The following RTL9 variants were observed in gnomAD, a reference collection of about 807,000 sequenced individuals.
RTL9 encodes retrotransposon Gag-like protein 9.
In RTL9, 19 loss-of-function variants were observed where a neutral mutation model predicts 44.7. That is an observed-to-expected ratio of 0.42 (90% CI 0.30 to 0.62). The LOEUF (loss-of-function observed/expected upper bound fraction) is 0.62. RTL9 is among the 20% of genes least tolerant of loss of function. RTL9 has a pLI of 0.16. For synonymous variants in RTL9, 407 were observed against 398.9 expected (o/e 1.02, Z -0.24); for missense variants, 1,105 against 1,080.6 (o/e 1.02, Z -0.32).
At chrX:110,388,220 C>CT (rs2068471447) in intron 1 of RTL9, among the ~76,000 whole-genome samples, 2 of 111,670 alleles carry the variant, frequency 1.8e-5, no homozygotes, top group Non-Finnish European at 3.8e-5. Flanking sequence ...AAGGGGCCCA[C>CT]ATCAAGTTTT....
chrX:110,450,961 C>A (rs756220988), exon 1 of RTL9: 1 of 1,212,199 alleles, frequency 8.2e-7, no homozygotes, highest in Admixed American at 2.2e-5. Context: ...GCACTGTCCC[C>A]ATTGCTAATG....
exon 1 of RTL9, chrX:110,451,009 C>T (rs2068936367): frequency 1.7e-6 from 2 of 1,211,694 alleles, no homozygotes; most frequent in Non-Finnish European, 2.2e-6. Context: ...CCATTGCTGT[C>T]CACTTCAGAG....
chrX:110,428,601 C>T lies in RTL9; in HGVS notation c.-168+9466C>T, dbSNP rs997124705. On this transcript the variant is annotated intron_variant, in intron 1 of 3. Coordinates refer to the RTL9 transcript ENST00000465301. ...CTTTCTCTGATGCCATCTGAACACT[C>T]CCCCCCTCTCCAAGATGTGGCTTTC... 2.6e-4 allele frequency among the ~76,000 whole-genome samples: 29 copies of T among 111,103 alleles called. 1 individual carries two copies. Among genetic ancestry groups the T allele is most frequent in the African/African-American group, 8.5e-4 (26 of 30,420 alleles).
chrX:110,411,446 C>T (rs192133742), intron 1 of RTL9, among the ~76,000 whole-genome samples: 1 of 112,091 alleles, frequency 8.9e-6, no homozygotes, highest in African/African-American at 3.2e-5. Flanking sequence ...TATCTCACTC[C>T]TTATTCCAAA....
chrX:110,406,081 T>C (rs1308997999), intron 1 of RTL9, among the ~76,000 whole-genome samples: 2 of 110,708 alleles, frequency 1.8e-5, no homozygotes, highest in African/African-American at 3.3e-5. Context: ...CCAAATTGGA[T>C]AGTAAGTTCT....
chrX:110,378,531 A>G (rs1174118534), intron 1 of RTL9, among the ~76,000 whole-genome samples: 2 of 111,824 alleles, frequency 1.8e-5, no homozygotes, highest in East Asian at 5.6e-4. Flanking sequence ...GAAGCTCTCT[A>G]TGTTTATATG....
chrX:110,448,697 C>T (rs1205458465), upstream of RTL9, among the ~76,000 whole-genome samples: 12 of 102,502 alleles, frequency 1.2e-4, no homozygotes, highest in African/African-American at 3.3e-4. Flanking sequence ...GGCTGGCTGG[C>T]GGGCAGGGGG....
chrX:110,385,379 CTATT>C (rs1250982624), intron 1 of RTL9, among the ~76,000 whole-genome samples: 1 of 111,215 alleles, frequency 9.0e-6, no homozygotes, highest in Non-Finnish European at 1.9e-5. Context: ...ATAAATTCAC[CTATT>C]TAAAGTGTAC....
At chrX:110,449,006 C>T (rs762768394), upstream of RTL9, among the ~76,000 whole-genome samples, 10 of 110,250 alleles carry the variant, frequency 9.1e-5, no homozygotes, top group South Asian at 3.2e-3. Flanking sequence ...TTACAATAAC[C>T]AGGGTGTCAG....
exon 1 of RTL9, chrX:110,451,216 C>A (rs2068938072): frequency 5.8e-6 from 7 of 1,210,329 alleles, no homozygotes; most frequent in African/African-American, 1.7e-5. Flanking sequence ...GCCCCAGATT[C>A]TGGAGAGTTA....
chrX:110,447,913 C>T (rs1414321713), upstream of RTL9, among the ~76,000 whole-genome samples: 1 of 111,646 alleles, frequency 9.0e-6, no homozygotes, highest in African/African-American at 3.3e-5. Flanking sequence ...TGCACCAGTT[C>T]AGGAAAACTG....
At chrX:110,381,107 C>T (rs1271302000) in intron 1 of RTL9, among the ~76,000 whole-genome samples, 1 of 111,475 alleles carries the variant, frequency 9.0e-6, no homozygotes, top group East Asian at 2.8e-4. Flanking sequence ...CTAATTAAAC[C>T]AAAGAGCTTC....
intron 1 of RTL9, among the ~76,000 whole-genome samples, chrX:110,411,578 A>G (rs183910016): frequency 1.8e-5 from 2 of 112,235 alleles, no homozygotes; most frequent in African/African-American, 6.5e-5. Flanking sequence ...TGTAGAATCT[A>G]TGAAGAAAAA....
rs190272694 is a variant in RTL9, at chrX:110,403,260, G to T, written c.-167-41893G>T. Reference sequence around the variant, plus strand: ...AGAGGATGCTTATTCTACAAAATTTGTGGGCATATTCATAGGTACTATGGA... The same window carrying T: ...AGAGGATGCTTATTCTACAAAATTTTTGGGCATATTCATAGGTACTATGGA... On this transcript the variant is annotated intron_variant, in intron 1 of 2. Transcript: ENST00000520821. Among the ~76,000 whole-genome samples, 11 of 112,252 alleles carry T rather than the reference G, an allele frequency of 9.8e-5. No homozygotes were observed. The East Asian group carries it at 2.2e-3, about 23-fold the overall frequency.
intron 1 of RTL9, among the ~76,000 whole-genome samples, chrX:110,363,004 A>G (rs1413496148): frequency 1.8e-5 from 2 of 112,340 alleles, no homozygotes; most frequent in Admixed American, 1.9e-4. Context: ...AAAGGAAGCT[A>G]GCATTTCAAC....
At chrX:110,367,973 AATTATT>A (rs201193443) in intron 1 of RTL9, among the ~76,000 whole-genome samples, 1,646 of 85,294 alleles carry the variant, frequency 0.019, 26 homozygotes, top group East Asian at 0.052. Context: ...AGTGCTGGCT[AATTATT>A]ATTATTATTA....
chrX:110,404,583 T>G (rs1355455685), intron 1 of RTL9, among the ~76,000 whole-genome samples: 99 of 112,161 alleles, frequency 8.8e-4, no homozygotes, highest in Non-Finnish European at 1.9e-4. Context: ...ACACATGCAG[T>G]AGGCACCTGT....
chrX:110,427,775 T>C (rs2068764821), intron 1 of RTL9, among the ~76,000 whole-genome samples: 2 of 112,198 alleles, frequency 1.8e-5, no homozygotes, highest in Admixed American at 9.4e-5. Flanking sequence ...ACTATGCTCT[T>C]GCTTGTTCAT....
At chrX:110,423,543 A>T (rs1569426961) in intron 1 of RTL9, among the ~76,000 whole-genome samples, 1 of 111,606 alleles carries the variant, frequency 9.0e-6, no homozygotes, top group Non-Finnish European at 1.9e-5. Flanking sequence ...CACTGCCATG[A>T]TCAGTTCTCA....
Sources: gnomAD v4.1 joint callset for allele counts (sites outside exome capture counted in the v4.1 genomes callset) on GRCh38, gnomAD v4.1.1 for gene constraint, MANE v1.5 for transcripts, NCBI Gene and HGNC (gene_info 2026-07-23, HGNC 2026-07-21) for gene names.